Variants in ILK observed in about 807,000 individuals in gnomAD.
The protein encoded by ILK is integrin linked kinase, also known as scaffold protein ILK.
Under a neutral mutation model 57.8 loss-of-function variants are expected in ILK, and 37 were observed. The ratio of observed to expected loss-of-function variants is 0.64; its 90% CI spans 0.49 to 0.84. ILK has a LOEUF of 0.84. ILK is among the 40% of genes least tolerant of loss of function. The pLI is 0.00. For synonymous variants in ILK, 231 were observed against 202.2 expected, an observed-to-expected ratio of 1.14 and a Z score of -1.21; for missense variants, 528 against 595.7, an observed-to-expected ratio of 0.89 and a Z score of 1.18.
rs1336585654 is a variant in ILK at position 6,609,971 on chromosome 11, T to A, written c.1014T>A (p.Ala338=). Residue 338 remains alanine, a synonymous_variant, in exon 11 of 13, where the codon GCT becomes GCA. Coordinates refer to ENST00000299421, the MANE Select transcript of ILK (RefSeq NM_004517.4). The part of the protein sequence containing the change: ...DEDMTARISM[A]DVKFSFQCPG... Reference sequence around the variant, plus strand: ...ACATGACTGCCCGAATTAGCATGGCTGATGTCAAGTTCTCTTTCCAATGTC... The same window carrying A: ...ACATGACTGCCCGAATTAGCATGGCAGATGTCAAGTTCTCTTTCCAATGTC... 1 of 1,614,212 alleles carries A rather than the reference T, an allele frequency of 6.2e-7. No individual in the cohort carries two copies. Among genetic ancestry groups the A allele is most frequent in the Non-Finnish European group, 8.5e-7 (1 of 1,180,042 alleles).
chr11:6,610,555 A>G lies in ILK; in HGVS notation c.1303A>G (p.Lys435Glu). 6.2e-7 allele frequency: 1 copy of G among 1,614,228 alleles called. No individual in the cohort carries two copies. Among genetic ancestry groups the G allele is most frequent in the South Asian group, 1.1e-5 (1 of 91,086 alleles). Residue 435 changes from lysine (K) to glutamate (E), a missense_variant, in exon 13 of 13, where the codon AAG becomes GAG. Lys to Glu is a moderately conservative substitution (Grantham distance 56). Transcript: ENST00000299421. ...MKICMNEDPA[K>E]RPKFDMIVPI... ...GATCTGCATGAATGAAGACCCTGCA[A>G]AGCGACCCAAATTTGACATGATTGT...
chr11:6,609,909 T>A, intron 10 of ILK, 27 bp from the exon 11 acceptor site: 1 of 1,614,176 alleles, frequency 6.2e-7, no homozygotes, highest in South Asian at 1.1e-5. Context: ...ATGACTTACC[T>A]CCTTCTATCT....
rs762943416 is a variant in ILK at position 6,609,483 on chromosome 11, G to T, written c.729-29G>T. 445 of 1,614,048 alleles carry T rather than the reference G, an allele frequency of 2.8e-4. No homozygotes were observed. In the Admixed American group the frequency reaches 3.4e-3, roughly 12 times the overall value. ...AGCACTGAAAGAGATCTTTTGTACT[G>T]GGTCTCAACCACTCCCTCCCTCTTC... On this transcript the variant is annotated intron_variant, in intron 8 of 12. Transcript: ENST00000299421.
intron 2 of ILK, chr11:6,606,574 GTCTAGGAAGAC>G (rs1854930954): frequency 6.6e-6 from 1 of 151,670 alleles, no homozygotes; most frequent in East Asian, 1.9e-4. Flanking sequence ...CTCTAGCTGA[GTCTAGGAAGAC>G]TCTAGGAAGA....
Position 6,610,655 on chromosome 11 carries a change from G to A in ILK, c.*44G>A. ...TGAACTCCAGAGGTGTCGGGACATG[G>A]TTGGGGGAATGCACCTCCCCAAAGC... On this transcript the variant is annotated 3_prime_UTR_variant, in exon 13 of 13. Transcript: ENST00000299421. The A allele has an allele frequency of 6.2e-7, 1 of 1,612,542 alleles. No individual in the cohort carries two copies. The highest frequency in any genetic ancestry group is 8.5e-7 in the Non-Finnish European group (1 of 1,178,866).
chr11:6,610,747 T>C lies in ILK; in HGVS notation c.*136T>C, dbSNP rs1409471952. On this transcript the variant is annotated 3_prime_UTR_variant, in exon 13 of 13. Transcript: ENST00000299421. ...TACCCCAGCCATGGGGTCCATCCCC[T>C]TCCCCCATCCCTACCACTGTGGCCC... 1.3e-5 allele frequency: 18 copies of C among 1,337,798 alleles called. No homozygotes were observed. The highest frequency in any genetic ancestry group is 1.9e-5 in the Non-Finnish European group (18 of 943,536). 82.9% of individuals were successfully genotyped at this position (1,337,798 alleles called of 1,614,324 possible).
chr11:6,610,042 G>C lies in ILK; in HGVS notation c.1078+7G>C. ...GCCTGGGTAGCCCCCGAAGGTGAGT[G>C]AAGTCATCATGTCGGGAGGTAAAAA... On this transcript the variant is annotated splice_region_variant and intron_variant, in intron 11 of 12. Transcript: ENST00000299421. The C allele has an allele frequency of 1.2e-6, 2 of 1,614,150 alleles. No individual in the cohort carries two copies. Among genetic ancestry groups the C allele is most frequent in the Non-Finnish European group, 1.7e-6 (2 of 1,179,996 alleles).
At position 6,604,231 on chromosome 11, in the gene ILK, A is replaced by G; in HGVS notation, c.-41A>G. ...TTCCCTGGATCACTCCACAGTCCTC[A>G]GGCTTCCCCAATCCAGGGGACTCGG... On this transcript the variant is annotated 5_prime_UTR_variant, in exon 2 of 13. Coordinates refer to ENST00000299421, the MANE Select transcript of ILK (RefSeq NM_004517.4). 1 of 1,554,672 alleles carries G rather than the reference A, an allele frequency of 6.4e-7. No individual in the cohort carries two copies. Among genetic ancestry groups the G allele is most frequent in the Non-Finnish European group, 8.8e-7 (1 of 1,135,478 alleles).
intron 8 of ILK, 21 bp downstream of exon 8, chr11:6,609,429 G>C: frequency 6.2e-7 from 1 of 1,613,526 alleles, no homozygotes; most frequent in Non-Finnish European, 8.5e-7. Flanking sequence ...GCGTAACCTG[G>C]AAGCTGCTAG....
At chr11:6,610,420 C>T (rs1855387143) in intron 12 of ILK, 42 bp from the exon 13 acceptor site, 2 of 1,614,076 alleles carry the variant, frequency 1.2e-6, no homozygotes, top group East Asian at 2.2e-5. Flanking sequence ...CTCTACATGA[C>T]AGACTCAAAT....
chr11:6,610,759 T>C lies in ILK; in HGVS notation c.*148T>C. 1.5e-6 allele frequency: 2 copies of C among 1,332,638 alleles called. No homozygotes were observed. The highest frequency in any genetic ancestry group is 2.1e-6 in the Non-Finnish European group (2 of 939,910). 82.6% of individuals were successfully genotyped at this position (1,332,638 alleles called of 1,614,324 possible). ...GGGGTCCATCCCCTTCCCCCATCCC[T>C]ACCACTGTGGCCCCAAGAGGGGCGG... On this transcript the variant is annotated 3_prime_UTR_variant, in exon 13 of 13. Transcript: ENST00000299421.
In ILK at chr11:6,609,128, C is replaced by T. The variant is rs767383055; in HGVS notation, c.590C>T (p.Thr197Met). 2.3e-5 allele frequency: 37 copies of T among 1,614,128 alleles called. No homozygotes were observed. Among genetic ancestry groups the T allele is most frequent in the Non-Finnish European group, 3.0e-5 (35 of 1,179,956 alleles). ...GIDFKQLNFL[T>M]KLNENHSGEL... ...GACTTCAAACAGCTTAACTTCCTGA[C>T]GAAGCTCAACGAGAATCACTCTGGA... The change falls in exon 7 of 13, where the codon ACG (threonine) becomes ATG (methionine). Residue 197 changes from threonine (T) to methionine (M), a missense_variant. Thr to Met is a moderately conservative substitution (Grantham distance 81, BLOSUM62 -1). Transcript: ENST00000299421.
chr11:6,603,859 C>T (rs1324886268), intron 1 of ILK, 37 bp downstream of exon 1: 1 of 366,988 alleles, frequency 2.7e-6, no homozygotes, highest in South Asian at 3.7e-5. Flanking sequence ...TGTCACCCCT[C>T]ACTTCTCCTG....
At chr11:6,609,701 A>T (rs770562479) in intron 9 of ILK, 23 bp from the exon 10 acceptor site, 3 of 1,614,010 alleles carry the variant, frequency 1.9e-6, no homozygotes, top group Non-Finnish European at 2.5e-6. Flanking sequence ...TCTCTGAACT[A>T]TTTGACTTTT....
At position 6,610,744 on chromosome 11, in the gene ILK, C is replaced by A; in HGVS notation, c.*133C>A. The A allele has an allele frequency of 7.4e-7, 1 of 1,349,170 alleles. No individual in the cohort carries two copies. Among genetic ancestry groups the A allele is most frequent in the Non-Finnish European group, 1.0e-6 (1 of 953,600 alleles). The allele number at this position is 1,349,170 out of a possible 1,614,324, so 83.6% of individuals were successfully genotyped here. A position where few individuals can be genotyped will look rare whatever the true frequency, so the allele number is the denominator to read the frequency against. On this transcript the variant is annotated 3_prime_UTR_variant, in exon 13 of 13. Transcript: ENST00000299421. ...TACTACCCCAGCCATGGGGTCCATC[C>A]CCTTCCCCCATCCCTACCACTGTGG...
chr11:6,606,574 G>C (rs947509668), intron 2 of ILK: 6 of 151,552 alleles, frequency 4.0e-5, no homozygotes, highest in Non-Finnish European at 7.4e-5. Context: ...CTCTAGCTGA[G>C]TCTAGGAAGA....
rs774113906 is a variant in ILK, at chr11:6,609,601, C to G, written c.818C>G (p.Pro273Arg). The change falls in exon 9 of 13, where the codon CCG (proline) becomes CGG (arginine). Residue 273 changes from proline to arginine, a missense_variant. By Grantham distance (103) the Pro-to-Arg change is moderately radical. Coordinates refer to ENST00000299421, the MANE Select transcript of ILK (RefSeq NM_004517.4). ...CCTACTCTCATCACACACTGGATGC[C>G]GTATGGATCCCTCTACAATGTACTA... ...PHPTLITHWM[P>R]YGSLYNVLHE... 18 of 1,613,932 alleles carry G rather than the reference C, an allele frequency of 1.1e-5. No homozygotes were observed. In the East Asian group the frequency reaches 3.8e-4, roughly 34 times the overall value.
In ILK at chr11:6,608,275, G is replaced by A; in HGVS notation, c.255+64G>A. On this transcript the variant is annotated intron_variant, in intron 3 of 12. Coordinates refer to ENST00000299421, the MANE Select transcript of ILK (RefSeq NM_004517.4). This position sits in a 1 kb window ranked among gnomAD's most constrained non-coding sequence, Gnocchi z 4.9. ...GCCATGAGGGTCAGTCACAGGCACT[G>A]TAACATACAGTAGAAAGCATGTGTG... The A allele has an allele frequency of 6.3e-7, 1 of 1,588,782 alleles. No individual in the cohort carries two copies. Among genetic ancestry groups the A allele is most frequent in the Middle Eastern group, 1.7e-4 (1 of 6,002 alleles).
intron 2 of ILK, chr11:6,606,944 G>A (rs1460964025): frequency 6.6e-6 from 1 of 152,260 alleles, no homozygotes; most frequent in Non-Finnish European, 1.5e-5. Flanking sequence ...TCAAGGAAAA[G>A]CTTTTGGCTA....
Sources: allele counts gnomAD v4.1 joint callset, GRCh38; gene constraint gnomAD v4.1.1; non-coding constraint Gnocchi (gnomAD v3.1); transcripts MANE v1.5; gene names NCBI Gene and HGNC (gene_info 2026-07-23, HGNC 2026-07-21).